The following STPG2 variants were observed in gnomAD, a reference collection of about 807,000 sequenced individuals.
The protein encoded by STPG2 is sperm tail PG-rich repeat containing 2.
STPG2 carries 56 observed loss-of-function variants against 54.2 expected under a neutral mutation model. The observed-to-expected ratio is 1.03, with a 90% confidence interval of 0.83 to 1.29. The LOEUF (loss-of-function observed/expected upper bound fraction) is 1.29, where lower values mean the gene tolerates loss of function less well. Ranked by LOEUF, STPG2 falls within the 50% of genes most tolerant of loss-of-function variation. The pLI, the probability that STPG2 is intolerant of heterozygous loss-of-function variation, is 0.00. For missense variants in STPG2, 596 were observed against 544.9 expected, an observed-to-expected ratio of 1.09 and a Z score of -0.93; for synonymous variants, 200 against 181.8, an observed-to-expected ratio of 1.10 and a Z score of -0.81.
chr4:97,843,245 A>G (rs1275481105), intron 8 of STPG2, among the ~76,000 whole-genome samples: 1 of 150,960 alleles, frequency 6.6e-6, no homozygotes, highest in Non-Finnish European at 1.5e-5. Flanking sequence ...CTGTTCTTGC[A>G]TTTGGGAAAT....
At chr4:98,023,290 CCT>C (rs1288001589) in intron 5 of STPG2, among the ~76,000 whole-genome samples, 8 of 150,860 alleles carry the variant, frequency 5.3e-5, no homozygotes, top group Admixed American at 2.0e-4. Flanking sequence ...CACTCCAGAC[CCT>C]GTTTGCCTGG....
rs982099105 is a variant in STPG2, at chr4:97,634,325, A to G, written c.1321-75208T>C. ...ACTAACAAACAGAAAGGACATCCAC[A>G]CCAAAAACCCATCTGTACATCACCA... On this transcript the variant is annotated intron_variant, in intron 10 of 10. Transcript: ENST00000295268. Among the ~76,000 whole-genome samples the G allele has an allele frequency of 3.9e-5, 6 of 152,246 alleles. No homozygotes were observed. In the South Asian group the frequency reaches 8.3e-4, roughly 21 times the overall value.
chr4:97,972,761 G>T (rs1249767186), intron 6 of STPG2, among the ~76,000 whole-genome samples: 3 of 152,076 alleles, frequency 2.0e-5, no homozygotes, highest in African/African-American at 4.8e-5. Context: ...TTCCCATGCT[G>T]TTCTTTTGAT....
chr4:97,583,715 C>T (rs1055715198), intron 10 of STPG2, among the ~76,000 whole-genome samples: 1 of 151,802 alleles, frequency 6.6e-6, no homozygotes, highest in Admixed American at 6.6e-5. Context: ...CAAAGGTGAG[C>T]AGGTATAGCT....
chr4:97,478,886 T>C (rs1216492232), intron 4 of STPG2, among the ~76,000 whole-genome samples: 2 of 144,072 alleles, frequency 1.4e-5, no homozygotes, highest in Non-Finnish European at 3.0e-5. Flanking sequence ...TGTGTGTGTG[T>C]GTGTGTGTGT....
At chr4:97,547,212 CTTT>C (rs776615674) in intron 4 of STPG2, among the ~76,000 whole-genome samples, 2 of 141,506 alleles carry the variant, frequency 1.4e-5, no homozygotes, top group Admixed American at 7.1e-5. Flanking sequence ...AGACGAGAAA[CTTT>C]TTTTTTTTTT....
At chr4:97,518,592 T>C (rs566054455) in intron 4 of STPG2, among the ~76,000 whole-genome samples, 7 of 152,122 alleles carry the variant, frequency 4.6e-5, no homozygotes, top group Non-Finnish European at 7.4e-5. Context: ...GACATAAATT[T>C]TTTATGAAAA....
chr4:98,019,154 C>T (rs912816443), intron 5 of STPG2, among the ~76,000 whole-genome samples: 42 of 152,158 alleles, frequency 2.8e-4, no homozygotes, highest in African/African-American at 9.2e-4. Context: ...GGTTTTAGGT[C>T]TAACATGTAA....
chr4:97,771,171 T>C (rs958102461), intron 9 of STPG2, among the ~76,000 whole-genome samples: 1 of 152,206 alleles, frequency 6.6e-6, no homozygotes, highest in Non-Finnish European at 1.5e-5. Context: ...TCAAATCCTA[T>C]TGGCATAACA....
chr4:97,627,510 G>A lies in STPG2; in HGVS notation c.1321-68393C>T, dbSNP rs537759905. On this transcript the variant is annotated intron_variant, in intron 10 of 10. Coordinates refer to ENST00000295268, the MANE Select transcript of STPG2 (RefSeq NM_174952.3). The stretch of plus-strand genomic sequence containing the variant: ...TTTGAAAGAAAAGTACTGATGTGAG[G>A]AGAGTTTTGCATTTCTGAAGCTCTC... 1.1e-3 allele frequency among the ~76,000 whole-genome samples: 163 copies of A among 152,146 alleles called. 1 individual carries two copies. Among genetic ancestry groups the A allele is most frequent in the African/African-American group, 3.9e-3 (161 of 41,490 alleles).
intron 8 of STPG2, among the ~76,000 whole-genome samples, chr4:97,875,923 CT>C (rs1730156100): frequency 6.6e-6 from 1 of 151,730 alleles, no homozygotes; most frequent in South Asian, 2.1e-4. Context: ...AGAGTTACCA[CT>C]GAAAAAAATA....
chr4:98,086,898 C>T (rs1335801587), intron 5 of STPG2, among the ~76,000 whole-genome samples: 1 of 152,156 alleles, frequency 6.6e-6, no homozygotes, highest in East Asian at 1.9e-4. Context: ...GATACTTTCA[C>T]TATCTATAAC....
intron 8 of STPG2, among the ~76,000 whole-genome samples, chr4:97,893,935 C>T (rs1052815441): frequency 6.6e-6 from 1 of 151,804 alleles, no homozygotes; most frequent in Non-Finnish European, 1.5e-5. Flanking sequence ...GTATCAGGAA[C>T]AGAAAGGGTA....
At chr4:97,690,310 T>A (rs1381541465) in intron 10 of STPG2, among the ~76,000 whole-genome samples, 1 of 152,250 alleles carries the variant, frequency 6.6e-6, no homozygotes, top group Admixed American at 6.5e-5. Flanking sequence ...TATCAAGAAA[T>A]TAATGTTTTC....
intron 8 of STPG2, among the ~76,000 whole-genome samples, chr4:97,913,141 G>GT (rs1339220147): frequency 2.0e-5 from 3 of 152,164 alleles, no homozygotes; most frequent in African/African-American, 7.2e-5. Context: ...AAAATTCAGA[G>GT]TTGTGACAGA....
chr4:97,467,951 A>C (rs1729829251), intron 4 of STPG2, among the ~76,000 whole-genome samples: 1 of 151,850 alleles, frequency 6.6e-6, no homozygotes, highest in Non-Finnish European at 1.5e-5. Context: ...GTAGAGAATA[A>C]ACATTATATT....
chr4:97,924,568 A>G (rs377185936), intron 8 of STPG2, among the ~76,000 whole-genome samples: 29 of 152,326 alleles, frequency 1.9e-4, no homozygotes, highest in Admixed American at 5.2e-4. Context: ...AGCCTTCTTC[A>G]TTAGGGGAGG....
intron 8 of STPG2, among the ~76,000 whole-genome samples, chr4:97,864,747 T>C (rs1729696661): frequency 6.6e-6 from 1 of 151,816 alleles, no homozygotes; most frequent in Non-Finnish European, 1.5e-5. Context: ...AACATAGATA[T>C]AGACCAATGG....
chr4:97,489,485 C>T (rs760015778), intron 4 of STPG2, among the ~76,000 whole-genome samples: 35 of 151,592 alleles, frequency 2.3e-4, no homozygotes, highest in Non-Finnish European at 4.9e-4. Context: ...GATAGTTCCA[C>T]ACATATGCCA....
Sources: allele counts gnomAD v4.1 joint callset (sites outside exome capture counted in the v4.1 genomes callset), GRCh38; gene constraint gnomAD v4.1.1; transcripts MANE v1.5; gene names NCBI Gene and HGNC (gene_info 2026-07-23, HGNC 2026-07-21).